Variants in APBA1 observed in about 807,000 individuals in gnomAD.
APBA1 encodes amyloid-beta A4 precursor protein-binding family A member 1.
A neutral mutation model predicts 86.6 loss-of-function variants in APBA1; 55 were observed. That is an observed-to-expected ratio of 0.64 (90% CI 0.51 to 0.80). The LOEUF (loss-of-function observed/expected upper bound fraction) is 0.80. APBA1 is among the 30% of genes least tolerant of loss of function. The probability of loss-of-function intolerance (pLI) is 0.00; values close to 1 mark genes in which losing one functional copy is unlikely to be tolerated. For synonymous variants in APBA1, 511 were observed against 493.9 expected, an observed-to-expected ratio of 1.03 and a Z score of -0.46; for missense variants, 1,090 against 1,183.0, an observed-to-expected ratio of 0.92 and a Z score of 1.15.
At chr9:69,630,112 G>T (rs1014681740) in intron 1 of APBA1, among the ~76,000 whole-genome samples, 2 of 152,090 alleles carry the variant, frequency 1.3e-5, no homozygotes, top group East Asian at 3.9e-4. Context: ...TATGTGAAGG[G>T]GCAGTGGGTC....
intron 1 of APBA1, among the ~76,000 whole-genome samples, chr9:69,597,609 A>T (rs1488226219): frequency 2.0e-5 from 3 of 152,158 alleles, no homozygotes; most frequent in Non-Finnish European, 4.4e-5. Context: ...TTGAATGGTA[A>T]TGCCTAGGTT....
At chr9:69,549,257 T>G (rs889120808) in intron 1 of APBA1, among the ~76,000 whole-genome samples, 1 of 152,176 alleles carries the variant, frequency 6.6e-6, no homozygotes, top group African/African-American at 2.4e-5. Flanking sequence ...GTGGGCTGGC[T>G]GTCAGTCACC....
At chr9:69,542,456 C>G (rs1021590062) in intron 1 of APBA1, among the ~76,000 whole-genome samples, 2 of 152,200 alleles carry the variant, frequency 1.3e-5, no homozygotes, top group Non-Finnish European at 2.9e-5. Context: ...CTTGAGCGCT[C>G]ATTTCTTTTT....
chr9:69,441,310 C>A (rs1232465796), intron 10 of APBA1, among the ~76,000 whole-genome samples, 195 bp from the exon 11 acceptor site: 1 of 152,224 alleles, frequency 6.6e-6, no homozygotes, highest in Non-Finnish European at 1.5e-5. Context: ...TAAGACGCCA[C>A]ATGTTGCAGA....
At chr9:69,558,751 C>T (rs1175586356) in intron 1 of APBA1, among the ~76,000 whole-genome samples, 1 of 152,056 alleles carries the variant, frequency 6.6e-6, no homozygotes, top group African/African-American at 2.4e-5. Context: ...CCCTCACAGA[C>T]CCCAGTGTCT....
chr9:69,538,593 C>T (rs974299492), intron 1 of APBA1, among the ~76,000 whole-genome samples: 2 of 152,194 alleles, frequency 1.3e-5, no homozygotes, highest in African/African-American at 4.8e-5. Context: ...TGTTACTCAT[C>T]TGTGCCTGGC....
intron 1 of APBA1, among the ~76,000 whole-genome samples, chr9:69,565,738 C>T (rs895276398): frequency 1.3e-5 from 2 of 152,188 alleles, no homozygotes; most frequent in African/African-American, 2.4e-5. Context: ...TGCAATCCAC[C>T]ACTCCCCTCC....
intron 1 of APBA1, among the ~76,000 whole-genome samples, chr9:69,582,325 A>G (rs567769371): frequency 1.3e-5 from 2 of 152,182 alleles, no homozygotes; most frequent in Non-Finnish European, 2.9e-5. Flanking sequence ...CAGGAGTCCA[A>G]ACAAAGAAGT....
At chr9:69,594,043 T>C (rs953750246) in intron 1 of APBA1, among the ~76,000 whole-genome samples, 1 of 152,218 alleles carries the variant, frequency 6.6e-6, no homozygotes, top group East Asian at 1.9e-4. Flanking sequence ...TTATTTATGC[T>C]GGGAACAAGT....
At chr9:69,552,871 C>A (rs563359414) in intron 1 of APBA1, among the ~76,000 whole-genome samples, 9 of 150,046 alleles carry the variant, frequency 6.0e-5, no homozygotes, top group Admixed American at 6.0e-4. Flanking sequence ...CCTCACCTTG[C>A]TCATCTCTGC....
chr9:69,647,327 C>T (rs1244762815), intron 1 of APBA1, among the ~76,000 whole-genome samples: 1 of 152,182 alleles, frequency 6.6e-6, no homozygotes, highest in Non-Finnish European at 1.5e-5. Context: ...ATCTGCAGTT[C>T]TACCTCTGCT....
At chr9:69,663,427 G>T (rs899355108) in intron 1 of APBA1, among the ~76,000 whole-genome samples, 4 of 152,160 alleles carry the variant, frequency 2.6e-5, no homozygotes, top group South Asian at 2.1e-4. Flanking sequence ...GCCAATGTAG[G>T]GGGTAATTAT....
intron 1 of APBA1, among the ~76,000 whole-genome samples, chr9:69,644,013 T>C (rs1335794008): frequency 6.6e-6 from 1 of 152,244 alleles, no homozygotes; most frequent in African/African-American, 2.4e-5. Context: ...CCTCACTTCA[T>C]CAGGCCTTGG....
At chr9:69,648,148 G>A (rs1823426788) in intron 1 of APBA1, among the ~76,000 whole-genome samples, 2 of 152,174 alleles carry the variant, frequency 1.3e-5, no homozygotes. Context: ...TCTATGCTAG[G>A]TTGTCACAGT....
intron 1 of APBA1, among the ~76,000 whole-genome samples, chr9:69,601,707 A>C: frequency 6.6e-6 from 1 of 152,372 alleles, no homozygotes; most frequent in South Asian, 2.1e-4. Context: ...TGACAGAGGT[A>C]TCTCCTCCAT....
intron 2 of APBA1, among the ~76,000 whole-genome samples, chr9:69,511,592 TAA>T (rs1836042066): frequency 6.6e-6 from 1 of 151,808 alleles, no homozygotes; most frequent in Admixed American, 6.6e-5. Flanking sequence ...CAGAGGACTA[TAA>T]ATCATGCTGC....
intron 2 of APBA1, 55 bp from the exon 3 acceptor site, chr9:69,476,198 T>C: frequency 7.5e-7 from 1 of 1,341,402 alleles, no homozygotes; most frequent in South Asian, 1.3e-5. Context: ...GGCAGACACT[T>C]GGCTGGGGGA....
intron 11 of APBA1, among the ~76,000 whole-genome samples, chr9:69,435,683 G>A (rs966631194): frequency 6.6e-6 from 1 of 152,136 alleles, no homozygotes; most frequent in Non-Finnish European, 1.5e-5. Context: ...TGTAGATTCT[G>A]GATATTAGCC....
chr9:69,432,406 T>C, intron 12 of APBA1, 130 bp downstream of exon 12: 1 of 882,340 alleles, frequency 1.1e-6, no homozygotes, highest in Non-Finnish European at 1.6e-6. Flanking sequence ...GGTCTGCTTG[T>C]TGGGGAGTGT....
Sources: allele counts gnomAD v4.1 joint callset (sites outside exome capture counted in the v4.1 genomes callset), GRCh38; gene constraint gnomAD v4.1.1; transcripts MANE v1.5; gene names NCBI Gene and HGNC (gene_info 2026-07-23, HGNC 2026-07-21).